Variants in TAF4 observed in about 807,000 individuals in gnomAD.
TAF4 encodes the protein TATA-box binding protein associated factor 4, also known as transcription initiation factor TFIID subunit 4.
TAF4 carries 9 observed loss-of-function variants against 90.3 expected under a neutral mutation model. The ratio of observed to expected loss-of-function variants is 0.10; its 90% CI spans 0.06 to 0.17. The LOEUF (loss-of-function observed/expected upper bound fraction) is 0.17. Among genes scored for constraint, TAF4 ranks in the 10% least tolerant of loss-of-function variants. TAF4 has a pLI of 1.00. For synonymous variants in TAF4, 818 were observed against 638.9 expected (o/e 1.28, Z -4.23); for missense variants, 1,351 against 1,370.7 (o/e 0.99, Z 0.23).
chr20:62,020,012 C>T (rs559667039), intron 1 of TAF4, among the ~76,000 whole-genome samples: 1 of 152,274 alleles, frequency 6.6e-6, no homozygotes, highest in South Asian at 2.1e-4. Context: ...GCCCCGGCTA[C>T]CTCTTGGCCC....
At chr20:62,036,999 T>C (rs546722734) in intron 1 of TAF4, among the ~76,000 whole-genome samples, 22 of 152,372 alleles carry the variant, frequency 1.4e-4, no homozygotes, top group Admixed American at 3.3e-4. Context: ...CTCACCAGCA[T>C]GGCAATCTTG....
At chr20:61,982,143 TAGAAGAGAC>T (rs2055548373) in intron 14 of TAF4, among the ~76,000 whole-genome samples, 11 of 30,530 alleles carry the variant, frequency 3.6e-4, no homozygotes, top group Non-Finnish European at 4.1e-4. Flanking sequence ...ATACCCACCC[TAGAAGAGAC>T]ACCAAACTCA....
At chr20:62,033,594 A>G (rs2055915838) in intron 1 of TAF4, among the ~76,000 whole-genome samples, 1 of 152,112 alleles carries the variant, frequency 6.6e-6, no homozygotes, top group Non-Finnish European at 1.5e-5. Context: ...AAAATTAGCC[A>G]GGCATAGTGG....
intron 2 of TAF4, among the ~76,000 whole-genome samples, chr20:62,013,952 A>AGAG (rs2055795993): frequency 1.8e-5 from 1 of 55,428 alleles, no homozygotes; most frequent in African/African-American, 6.9e-5. Context: ...TGTGTGTGTG[A>AGAG]ATCCGTGCTC....
At chr20:62,009,817 G>T (rs1416922626) in intron 4 of TAF4, among the ~76,000 whole-genome samples, 2 of 152,194 alleles carry the variant, frequency 1.3e-5, no homozygotes, top group African/African-American at 2.4e-5. Context: ...CAGGTGTTTG[G>T]GCTTTTGCTG....
intron 1 of TAF4, among the ~76,000 whole-genome samples, chr20:62,057,271 G>C (rs979355389): frequency 6.6e-6 from 1 of 152,216 alleles, no homozygotes; most frequent in Non-Finnish European, 1.5e-5. Flanking sequence ...CCAGCGCCCA[G>C]AGAAGGGTTC....
intron 2 of TAF4, among the ~76,000 whole-genome samples, chr20:62,013,906 G>GGGGT (rs1226544830): frequency 3.0e-4 from 32 of 107,402 alleles, no homozygotes; most frequent in East Asian, 1.1e-3. Context: ...GGCTGACGCG[G>GGGGT]GTGTGTGTGT....
chr20:62,011,738 G>A (rs1160127500), intron 3 of TAF4, among the ~76,000 whole-genome samples: 1 of 152,194 alleles, frequency 6.6e-6, no homozygotes, highest in African/African-American at 2.4e-5. Context: ...TGGGAAAAGG[G>A]CCTGTGGCAC....
rs865987645 is a variant in TAF4 at position 62,008,899 on chromosome 20, G to A, written c.1884+153C>T. 3.3e-5 allele frequency: 33 copies of A among 1,013,944 alleles called. 1 individual carries two copies. The Middle Eastern group carries it at 1.9e-3, about 60-fold the overall frequency. 62.8% of individuals were successfully genotyped at this position (1,013,944 alleles called of 1,614,324 possible). ...CCTTAGCTAGGCCACACACGCCTTC[G>A]ACACGTGTGCACCCCTCCCCTTCGC... On this transcript the variant is annotated intron_variant, in intron 5 of 14. Coordinates refer to ENST00000252996, the MANE Select transcript of TAF4 (RefSeq NM_003185.4).
intron 1 of TAF4, among the ~76,000 whole-genome samples, chr20:62,041,364 C>A (rs1197910271): frequency 6.6e-6 from 1 of 152,210 alleles, no homozygotes; most frequent in East Asian, 1.9e-4. Flanking sequence ...CCACGTACAG[C>A]CACGCCTCAC....
intron 1 of TAF4, among the ~76,000 whole-genome samples, chr20:62,034,225 G>A (rs2055919983): frequency 6.6e-6 from 1 of 152,122 alleles, no homozygotes; most frequent in African/African-American, 2.4e-5. Flanking sequence ...TCAAAAAATT[G>A]CAAATTTTTA....
At chr20:62,046,862 G>A (rs769070939) in intron 1 of TAF4, among the ~76,000 whole-genome samples, 14 of 152,146 alleles carry the variant, frequency 9.2e-5, no homozygotes, top group Non-Finnish European at 1.8e-4. Flanking sequence ...AGCCATTTGT[G>A]TACCTTCTTT....
intron 1 of TAF4, among the ~76,000 whole-genome samples, chr20:62,059,621 C>G (rs2056078727): frequency 1.3e-5 from 2 of 152,358 alleles, no homozygotes; most frequent in South Asian, 4.1e-4. Flanking sequence ...CTTTATTTAA[C>G]TGCTTTATTG....
chr20:61,992,001 C>T (rs1455202892), intron 14 of TAF4, among the ~76,000 whole-genome samples: 1 of 152,124 alleles, frequency 6.6e-6, no homozygotes, highest in African/African-American at 2.4e-5. Context: ...GTAAATACAA[C>T]GTGAGCCAAA....
chr20:61,987,191 A>C (rs1228706589), intron 14 of TAF4, among the ~76,000 whole-genome samples: 1 of 152,214 alleles, frequency 6.6e-6, no homozygotes, highest in Non-Finnish European at 1.5e-5. Flanking sequence ...CCTGGACGTC[A>C]TCACGAGGAG....
intron 14 of TAF4, among the ~76,000 whole-genome samples, chr20:61,978,041 G>A (rs950246081): frequency 3.0e-5 from 4 of 133,750 alleles, no homozygotes; most frequent in Non-Finnish European, 6.7e-5. Flanking sequence ...GGGAGGGCAC[G>A]AGACCAACCA....
intron 12 of TAF4, among the ~76,000 whole-genome samples, 185 bp downstream of exon 12, chr20:61,998,798 T>C (rs1314189817): frequency 1.3e-5 from 2 of 152,218 alleles, no homozygotes; most frequent in African/African-American, 2.4e-5. Flanking sequence ...TTTTCAAGCA[T>C]CTACGCTAGT....
intron 1 of TAF4, among the ~76,000 whole-genome samples, chr20:62,063,836 A>G (rs1273807667): frequency 6.6e-6 from 1 of 152,196 alleles, no homozygotes. Context: ...TGCGCCTGAC[A>G]TCTCTCCCTG....
chr20:62,046,793 C>T lies in TAF4; in HGVS notation c.1360+17658G>A, dbSNP rs149614930. On this transcript the variant is annotated intron_variant, in intron 1 of 14. Coordinates refer to ENST00000252996, the MANE Select transcript of TAF4 (RefSeq NM_003185.4). ...GTGGGTGTGTTATCAGCCGCAGCATCCCACTGGGGTTTCATGTCCTGGAGT... is the reference window on the plus strand; with the variant it reads ...GTGGGTGTGTTATCAGCCGCAGCATTCCACTGGGGTTTCATGTCCTGGAGT... Among the ~76,000 whole-genome samples the T allele has an allele frequency of 2.6e-5, 4 of 152,342 alleles. No homozygotes were observed. The East Asian group carries it at 7.7e-4, about 29-fold the overall frequency.
Sources: allele counts gnomAD v4.1 joint callset (sites outside exome capture counted in the v4.1 genomes callset), GRCh38; gene constraint gnomAD v4.1.1; transcripts MANE v1.5; gene names NCBI Gene and HGNC (gene_info 2026-07-23, HGNC 2026-07-21).